The following GPC4 variants were observed in gnomAD, a reference collection of about 807,000 sequenced individuals.
GPC4 encodes the protein glypican-4.
A neutral mutation model predicts 35.0 loss-of-function variants in GPC4; 10 were observed. The observed-to-expected ratio is 0.29, with a 90% CI of 0.18 to 0.48. The LOEUF is 0.48. Ranked by LOEUF, GPC4 falls within the 20% of genes least tolerant of loss-of-function variation. GPC4 has a pLI of 0.99. For synonymous variants in GPC4, 167 were observed against 170.2 expected (o/e 0.98, Z 0.15); for missense variants, 322 against 451.3 (o/e 0.71, Z 2.60).
chrX:133,387,454 GAGAAA>G (rs1013225165), intron 1 of GPC4, among the ~76,000 whole-genome samples: 8 of 107,357 alleles, frequency 7.5e-5, no homozygotes, highest in Non-Finnish European at 1.2e-4. Flanking sequence ...AAGAGAGAGA[GAGAAA>G]AGAAAAGAAA....
intron 7 of GPC4, 119 bp downstream of exon 7, chrX:133,304,605 GT>G: frequency 2.4e-6 from 2 of 834,830 alleles, no homozygotes; most frequent in Non-Finnish European, 3.5e-6. Flanking sequence ...CTTCCATGTT[GT>G]TGCTACCTAC....
At chrX:133,399,240 T>C (rs2068757962) in intron 1 of GPC4, among the ~76,000 whole-genome samples, 1 of 111,617 alleles carries the variant, frequency 9.0e-6, no homozygotes, top group East Asian at 2.8e-4. Context: ...CCTAAAGGCT[T>C]TAGCACTAAT....
intron 1 of GPC4, among the ~76,000 whole-genome samples, chrX:133,399,449 T>G (rs1361864399): frequency 9.0e-6 from 1 of 111,682 alleles, no homozygotes; most frequent in African/African-American, 3.3e-5. Context: ...AAATTTAAAA[T>G]AGAATCAAGT....
At chrX:133,377,987 C>T (rs765589428) in intron 1 of GPC4, among the ~76,000 whole-genome samples, 38 of 105,543 alleles carry the variant, frequency 3.6e-4, no homozygotes, top group Non-Finnish European at 5.2e-4. Flanking sequence ...TTTAACCTCC[C>T]GGGTTCACGC....
intron 1 of GPC4, among the ~76,000 whole-genome samples, chrX:133,411,524 T>G (rs2068812979): frequency 9.0e-6 from 1 of 111,717 alleles, no homozygotes; most frequent in Admixed American, 9.5e-5. Flanking sequence ...CCTAAATCCC[T>G]TCTCTCTTTG....
chrX:133,401,673 A>G (rs1284953948), intron 1 of GPC4, among the ~76,000 whole-genome samples: 2 of 111,998 alleles, frequency 1.8e-5, no homozygotes, highest in African/African-American at 6.5e-5. Flanking sequence ...TTGACCTCAT[A>G]CCAGAAGAGC....
At chrX:133,402,144 G>A (rs1384494890) in intron 1 of GPC4, among the ~76,000 whole-genome samples, 1 of 112,267 alleles carries the variant, frequency 8.9e-6, no homozygotes, top group Non-Finnish European at 1.9e-5. Context: ...CTGGACCACT[G>A]CAAGTAGTAA....
intron 1 of GPC4, among the ~76,000 whole-genome samples, chrX:133,350,023 T>A (rs960910805): frequency 9.0e-6 from 1 of 111,612 alleles, no homozygotes; most frequent in African/African-American, 3.3e-5. Flanking sequence ...CTCTTAACCC[T>A]CCTTTTCACA....
intron 1 of GPC4, among the ~76,000 whole-genome samples, chrX:133,363,495 C>T (rs1029155452): frequency 9.9e-5 from 11 of 111,397 alleles, no homozygotes; most frequent in Non-Finnish European, 1.7e-4. Flanking sequence ...TTGATCAGGA[C>T]GAGAACCCTG....
chrX:133,339,592 T>C (rs1190115287), intron 1 of GPC4, among the ~76,000 whole-genome samples: 2 of 112,108 alleles, frequency 1.8e-5, no homozygotes, highest in African/African-American at 6.5e-5. Context: ...AAAACTGGTG[T>C]AGTCAATAAA....
At chrX:133,303,464 T>A in intron 7 of GPC4, 123 bp from the exon 8 acceptor site, 1 of 533,538 alleles carries the variant, frequency 1.9e-6, no homozygotes, top group Non-Finnish European at 2.9e-6. Context: ...GGTTATCAAA[T>A]ACTTCTGCTA....
intron 7 of GPC4, among the ~76,000 whole-genome samples, chrX:133,304,249 G>A (rs755014969): frequency 2.7e-5 from 3 of 110,608 alleles, no homozygotes; most frequent in Non-Finnish European, 5.7e-5. Context: ...GCAGTGAGCC[G>A]AGATTGTGCC....
rs1427507842 is a variant in GPC4 at position 133,301,954 on chromosome X, A to G, written c.*913T>C. 1 of 111,145 alleles carries G rather than the reference A, an allele frequency of 9.0e-6. No individual in the cohort carries two copies. The highest frequency in any genetic ancestry group is 9.6e-5 in the Admixed American group (1 of 10,448). The allele number at this position is 111,145 out of a possible 1,213,427, so 9.2% of individuals were successfully genotyped here. A position where few individuals can be genotyped will look rare whatever the true frequency, so the allele number is the denominator to read the frequency against. ...TAGGGTCAGTGTGAACATGAAAACT[A>G]GCACAGGGTGGGCTAGCTAACCTGC... On this transcript the variant is annotated 3_prime_UTR_variant, in exon 9 of 9. Transcript: ENST00000370828.
chrX:133,335,425 T>C (rs2068438028), intron 2 of GPC4, among the ~76,000 whole-genome samples: 1 of 111,316 alleles, frequency 9.0e-6, no homozygotes, highest in East Asian at 2.8e-4. Context: ...AGTGTTCTCT[T>C]GTACGTCACC....
chrX:133,410,496 G>A (rs1252984976), intron 1 of GPC4, among the ~76,000 whole-genome samples: 3 of 111,758 alleles, frequency 2.7e-5, no homozygotes, highest in Admixed American at 9.5e-5. Flanking sequence ...CAATAGCTAC[G>A]AACTCTTATC....
intron 3 of GPC4, among the ~76,000 whole-genome samples, chrX:133,321,143 A>G (rs1003038295): frequency 2.0e-4 from 22 of 112,361 alleles, no homozygotes; most frequent in African/African-American, 7.1e-4. Context: ...TAAATATCAA[A>G]GTCAAGCTTC....
chrX:133,378,951 G>A (rs1328742819), intron 1 of GPC4, among the ~76,000 whole-genome samples: 2 of 112,307 alleles, frequency 1.8e-5, no homozygotes, highest in African/African-American at 6.5e-5. Context: ...CTAAGAAAAT[G>A]AGCACAGACT....
intron 2 of GPC4, among the ~76,000 whole-genome samples, chrX:133,330,771 C>T (rs753359014): frequency 6.3e-5 from 7 of 110,299 alleles, no homozygotes; most frequent in Non-Finnish European, 1.3e-4. Context: ...AGTGAGACCC[C>T]ATCTCTACAA....
In GPC4 at chrX:133,415,196, G is replaced by A; in HGVS notation, c.-231C>T. Reference sequence around the variant, plus strand: ...GCCAGGCGCCGGGCCAGGGGAGAAGGAGGGCGTGGAGGCGGCGCGCGGCCC... The same window carrying A: ...GCCAGGCGCCGGGCCAGGGGAGAAGAAGGGCGTGGAGGCGGCGCGCGGCCC... On this transcript the variant is annotated 5_prime_UTR_variant, in exon 1 of 9. Coordinates refer to ENST00000370828, the MANE Select transcript of GPC4 (RefSeq NM_001448.3). The A allele has an allele frequency of 2.6e-6, 1 of 379,130 alleles. No homozygotes were observed. Among genetic ancestry groups the A allele is most frequent in the Non-Finnish European group, 4.6e-6 (1 of 219,678 alleles). 31.2% of individuals were successfully genotyped at this position (379,130 alleles called of 1,213,427 possible). A position where few individuals can be genotyped will look rare whatever the true frequency, so the allele number is the denominator to read the frequency against.
Sources: allele counts gnomAD v4.1 joint callset (sites outside exome capture counted in the v4.1 genomes callset), GRCh38; gene constraint gnomAD v4.1.1; transcripts MANE v1.5; gene names NCBI Gene and HGNC (gene_info 2026-07-23, HGNC 2026-07-21).